SRD5A2: variants seen among roughly 807,000 people sequenced by gnomAD.
SRD5A2 encodes the protein steroid 5 alpha-reductase 2, also known as 3-oxo-5-alpha-steroid 4-dehydrogenase 2.
SRD5A2 carries 30 observed loss-of-function variants against 27.4 expected under a neutral mutation model. That is an observed-to-expected ratio of 1.10 (90% CI 0.82 to 1.49). The LOEUF is 1.49. Among genes scored for constraint, SRD5A2 ranks in the 40% most tolerant of loss-of-function variants. The pLI, the probability that SRD5A2 is intolerant of heterozygous loss-of-function variation, is 0.00. For synonymous variants in SRD5A2, 141 were observed against 133.6 expected, an observed-to-expected ratio of 1.06 and a Z score of -0.38; for missense variants, 348 against 323.4, an observed-to-expected ratio of 1.08 and a Z score of -0.58.
upstream of SRD5A2, among the ~76,000 whole-genome samples, chr2:31,583,652 C>CAAAAAAAAAAAAAAAAAAA (rs1352139998): frequency 4.8e-5 from 1 of 20,922 alleles, no homozygotes; most frequent in African/African-American, 1.3e-4. Context: ...AAAAAAAAAC[C>CAAAAAAAAAAAAAAAAAAA]AAAAAAAAAG....
the SRD5A2 span, among the ~76,000 whole-genome samples, chr2:31,590,207 AC>A: frequency 1.3e-5 from 2 of 148,998 alleles, no homozygotes; most frequent in Non-Finnish European, 3.0e-5. Flanking sequence ...GCAGCTGAAA[AC>A]AAAAGACATA....
At chr2:31,532,524 G>A (rs1665933489) in intron 2 of SRD5A2, among the ~76,000 whole-genome samples, 1 of 152,218 alleles carries the variant, frequency 6.6e-6, no homozygotes, top group South Asian at 2.1e-4. Context: ...CTGTTCTGAG[G>A]TGAGGACAGC....
At chr2:31,609,681 T>G in the SRD5A2 span, among the ~76,000 whole-genome samples, 5 of 152,116 alleles carry the variant, frequency 3.3e-5, no homozygotes, top group African/African-American at 1.2e-4. Context: ...AATACATAGG[T>G]GTAAATCTTT....
At chr2:31,566,895 C>A (rs1433771332) in intron 1 of SRD5A2, among the ~76,000 whole-genome samples, 1 of 151,998 alleles carries the variant, frequency 6.6e-6, no homozygotes, top group Non-Finnish European at 1.5e-5. Flanking sequence ...AAATACAAAC[C>A]TAAATTATCA....
the SRD5A2 span, among the ~76,000 whole-genome samples, chr2:31,615,635 C>T: frequency 1.3e-5 from 2 of 152,148 alleles, no homozygotes; most frequent in African/African-American, 2.4e-5. Context: ...AAATTTCCAG[C>T]CTGGCAATGT....
At chr2:31,606,868 G>T in the SRD5A2 span, among the ~76,000 whole-genome samples, 1 of 151,884 alleles carries the variant, frequency 6.6e-6, no homozygotes, top group Admixed American at 6.6e-5. Flanking sequence ...TAACAGTTCT[G>T]GAGGCTAGAG....
upstream of SRD5A2, among the ~76,000 whole-genome samples, chr2:31,582,380 C>T (rs1667098437): frequency 6.6e-6 from 1 of 152,200 alleles, no homozygotes. Context: ...CACTACAGGG[C>T]ACCCTCTGCT....
chr2:31,633,026 C>T, the SRD5A2 span, among the ~76,000 whole-genome samples: 5 of 151,900 alleles, frequency 3.3e-5, no homozygotes, highest in African/African-American at 9.7e-5. Context: ...CTTACACTGC[C>T]GGGGTCAGGA....
the SRD5A2 span, among the ~76,000 whole-genome samples, chr2:31,612,390 C>T: frequency 1.3e-5 from 2 of 151,788 alleles, no homozygotes; most frequent in South Asian, 4.2e-4. Context: ...AGTGAACTAT[C>T]CAAAGAATTT....
chr2:31,549,949 T>A lies in SRD5A2; in HGVS notation c.282-16183A>T, dbSNP rs577627633. Among the ~76,000 whole-genome samples, 11 of 152,304 alleles carry A rather than the reference T, an allele frequency of 7.2e-5. No homozygotes were observed. In the South Asian group the frequency reaches 2.3e-3, roughly 32 times the overall value. On this transcript the variant is annotated intron_variant, in intron 1 of 4. Transcript: ENST00000622030. ...AACAACAGCAGAATGCACATTCTTT[T>A]CAAGTGGCCATGGGATATATACCAC...
the SRD5A2 span, among the ~76,000 whole-genome samples, chr2:31,661,679 T>G: frequency 1.3e-5 from 2 of 152,198 alleles, no homozygotes; most frequent in Non-Finnish European, 2.9e-5. Flanking sequence ...CTGTTCGGGA[T>G]TCTCCAAGAC....
the SRD5A2 span, among the ~76,000 whole-genome samples, chr2:31,628,428 G>A: frequency 6.6e-6 from 1 of 152,036 alleles, no homozygotes; most frequent in African/African-American, 2.4e-5. Flanking sequence ...TATCCAACTT[G>A]CCAACTCTGT....
the SRD5A2 span, among the ~76,000 whole-genome samples, chr2:31,602,010 T>C: frequency 1.1e-4 from 17 of 151,800 alleles, no homozygotes; most frequent in African/African-American, 4.1e-4. Context: ...GAAAAGGATG[T>C]CCTCTCTCAC....
the SRD5A2 span, among the ~76,000 whole-genome samples, chr2:31,647,006 G>C: frequency 6.6e-6 from 1 of 152,062 alleles, no homozygotes; most frequent in African/African-American, 2.4e-5. Flanking sequence ...TTAGTGAGAC[G>C]TCATGGTGGG....
At chr2:31,603,541 G>A in the SRD5A2 span, among the ~76,000 whole-genome samples, 2 of 151,854 alleles carry the variant, frequency 1.3e-5, no homozygotes, top group African/African-American at 2.4e-5. Context: ...TTCCATTACT[G>A]GATATATATC....
chr2:31,602,775 T>G, the SRD5A2 span, among the ~76,000 whole-genome samples: 1 of 151,702 alleles, frequency 6.6e-6, no homozygotes, highest in Non-Finnish European at 1.5e-5. Flanking sequence ...TCATCTGAAC[T>G]TTGACAAAAC....
At chr2:31,532,250 T>C (rs1474768938) in intron 2 of SRD5A2, among the ~76,000 whole-genome samples, 1 of 152,090 alleles carries the variant, frequency 6.6e-6, no homozygotes, top group East Asian at 1.9e-4. Context: ...TTCCCGTCAC[T>C]ATTATATGGT....
the SRD5A2 span, among the ~76,000 whole-genome samples, chr2:31,621,116 G>C: frequency 6.6e-6 from 1 of 151,572 alleles, no homozygotes; most frequent in Non-Finnish European, 1.5e-5. Flanking sequence ...TTCTTTGCCT[G>C]GTTTCCTTCA....
At chr2:31,567,546 A>C (rs1220210573) in intron 1 of SRD5A2, among the ~76,000 whole-genome samples, 1 of 151,902 alleles carries the variant, frequency 6.6e-6, no homozygotes, top group African/African-American at 2.4e-5. Context: ...GAACACATCC[A>C]TCACAACAAA....
Sources: gnomAD v4.1 joint callset for allele counts (sites outside exome capture counted in the v4.1 genomes callset) on GRCh38, gnomAD v4.1.1 for gene constraint, MANE v1.5 for transcripts, NCBI Gene and HGNC (gene_info 2026-07-23, HGNC 2026-07-21) for gene names.